KCNIP4: variants seen among roughly 807,000 people sequenced by gnomAD.
The protein encoded by KCNIP4 is potassium voltage-gated channel interacting protein 4.
KCNIP4 carries 12 observed loss-of-function variants against 34.0 expected under a neutral mutation model. The ratio of observed to expected loss-of-function variants is 0.35; its 90% confidence interval spans 0.23 to 0.57. KCNIP4 has a LOEUF of 0.57. Among genes scored for constraint, KCNIP4 ranks in the 20% least tolerant of loss-of-function variants. The pLI, the probability that KCNIP4 is intolerant of heterozygous loss-of-function variation, is 0.83. For missense variants in KCNIP4, 238 were observed against 311.7 expected, an observed-to-expected ratio of 0.76 and a Z score of 1.78; for synonymous variants, 124 against 102.2, an observed-to-expected ratio of 1.21 and a Z score of -1.29.
chr4:21,032,308 G>A (rs962676080), intron 1 of KCNIP4, among the ~76,000 whole-genome samples: 5 of 152,086 alleles, frequency 3.3e-5, no homozygotes, highest in Admixed American at 2.0e-4. Flanking sequence ...AATACCCAAT[G>A]GGGGTGTTGT....
At chr4:21,007,467 T>C (rs1381623259) in intron 1 of KCNIP4, among the ~76,000 whole-genome samples, 2 of 152,210 alleles carry the variant, frequency 1.3e-5, no homozygotes, top group East Asian at 3.9e-4. Flanking sequence ...ATTGTCACCC[T>C]GTCATGCTTT....
chr4:21,919,945 T>C (rs1169362992), intron 1 of KCNIP4, among the ~76,000 whole-genome samples: 3 of 152,098 alleles, frequency 2.0e-5, no homozygotes, highest in Non-Finnish European at 4.4e-5. Flanking sequence ...TATGTTATAG[T>C]TAAAAAAAGG....
At chr4:21,569,273 T>A (rs533679989) in intron 1 of KCNIP4, among the ~76,000 whole-genome samples, 43 of 80,858 alleles carry the variant, frequency 5.3e-4, no homozygotes, top group African/African-American at 1.4e-3. Context: ...AAAGCTTGAT[T>A]GACAAGTAAA....
chr4:21,215,032 GAA>G (rs1757459940), intron 1 of KCNIP4, among the ~76,000 whole-genome samples: 1 of 152,194 alleles, frequency 6.6e-6, no homozygotes, highest in African/African-American at 2.4e-5. Context: ...CTTATCTACT[GAA>G]TCGTAACAGC....
intron 1 of KCNIP4, among the ~76,000 whole-genome samples, chr4:21,155,813 G>T (rs79865368): frequency 0.019 from 2,853 of 152,260 alleles, 55 homozygotes; most frequent in Non-Finnish European, 0.026. Flanking sequence ...CGTTGGCAGA[G>T]GAGGGAAGAG....
intron 3 of KCNIP4, among the ~76,000 whole-genome samples, chr4:20,839,326 C>T (rs1719439199): frequency 6.6e-6 from 1 of 151,766 alleles, no homozygotes; most frequent in South Asian, 2.1e-4. Flanking sequence ...AGATATAGAT[C>T]TATAGATATA....
At chr4:21,284,631 T>C (rs1402210042) in intron 1 of KCNIP4, among the ~76,000 whole-genome samples, 2 of 152,196 alleles carry the variant, frequency 1.3e-5, no homozygotes, top group Non-Finnish European at 2.9e-5. Flanking sequence ...GTCTGATCCA[T>C]GGAGATCTCC....
intron 1 of KCNIP4, among the ~76,000 whole-genome samples, chr4:21,310,269 C>T (rs1713004728): frequency 1.3e-5 from 2 of 152,092 alleles, no homozygotes; most frequent in South Asian, 2.1e-4. Context: ...CTCCTGACCT[C>T]ATGTGATCCG....
At chr4:21,555,148 C>T (rs913963799) in intron 1 of KCNIP4, among the ~76,000 whole-genome samples, 2 of 152,080 alleles carry the variant, frequency 1.3e-5, no homozygotes, top group African/African-American at 4.8e-5. Flanking sequence ...AGTGGTACGT[C>T]CTTTCCCCTG....
At chr4:21,938,179 G>C (rs1359046729) in intron 1 of KCNIP4, among the ~76,000 whole-genome samples, 2 of 152,076 alleles carry the variant, frequency 1.3e-5, no homozygotes. Flanking sequence ...TCATTCTCCA[G>C]TCCTATCTAG....
intron 1 of KCNIP4, among the ~76,000 whole-genome samples, chr4:21,366,807 A>AGGGG (rs1453026318): frequency 6.6e-6 from 1 of 152,072 alleles, no homozygotes; most frequent in Non-Finnish European, 1.5e-5. Flanking sequence ...AGAGAGAGAG[A>AGGGG]GGGGAGGGAG....
chr4:21,499,346 A>AAAAAAAAAAAAAC (rs1491409328), intron 1 of KCNIP4, among the ~76,000 whole-genome samples: 8 of 148,660 alleles, frequency 5.4e-5, no homozygotes, highest in African/African-American at 1.0e-4. Flanking sequence ...AAAAAAAAAA[A>AAAAAAAAAAAAAC]CAACTACATA....
intron 1 of KCNIP4, among the ~76,000 whole-genome samples, chr4:21,452,042 C>T (rs1043295129): frequency 3.3e-5 from 5 of 151,974 alleles, no homozygotes; most frequent in African/African-American, 9.7e-5. Context: ...GTTTCTTCCC[C>T]CCCAACTCCG....
At chr4:21,267,296 A>G (rs1276698067) in intron 1 of KCNIP4, among the ~76,000 whole-genome samples, 1 of 152,046 alleles carries the variant, frequency 6.6e-6, no homozygotes, top group Non-Finnish European at 1.5e-5. Context: ...TTCTCTCATG[A>G]CAATAATACC....
At chr4:21,652,221 C>G (rs1747547495) in intron 1 of KCNIP4, among the ~76,000 whole-genome samples, 1 of 152,148 alleles carries the variant, frequency 6.6e-6, no homozygotes, top group South Asian at 2.1e-4. Flanking sequence ...AGTAAATCAT[C>G]CTTGTAGTAT....
At chr4:21,688,151 A>G (rs1750955830) in intron 1 of KCNIP4, among the ~76,000 whole-genome samples, 1 of 152,198 alleles carries the variant, frequency 6.6e-6, no homozygotes, top group Admixed American at 6.5e-5. Context: ...ACTGTGCAGT[A>G]CACACTGTGT....
At chr4:20,786,035 C>T (rs150266973) in intron 3 of KCNIP4, among the ~76,000 whole-genome samples, 7 of 152,048 alleles carry the variant, frequency 4.6e-5, no homozygotes, top group South Asian at 2.1e-4. Context: ...ATAGCAAAGA[C>T]GTGGAATCAA....
chr4:21,198,966 A>G (rs901303708), intron 1 of KCNIP4, among the ~76,000 whole-genome samples: 2 of 152,190 alleles, frequency 1.3e-5, no homozygotes, highest in African/African-American at 4.8e-5. Context: ...TGAGGAGTAA[A>G]GTACTGACAC....
intron 1 of KCNIP4, chr4:21,303,891 G>A (rs1395395832): frequency 1.2e-5 from 20 of 1,613,898 alleles, no homozygotes; most frequent in Non-Finnish European, 1.6e-5. Context: ...ATCATTTCAA[G>A]CCCTTCCAAG....
Sources: gnomAD v4.1 joint callset for allele counts (sites outside exome capture counted in the v4.1 genomes callset) on GRCh38, gnomAD v4.1.1 for gene constraint, MANE v1.5 for transcripts, NCBI Gene and HGNC (gene_info 2026-07-23, HGNC 2026-07-21) for gene names.